The following GLDC variants were observed in gnomAD, a reference collection of about 807,000 sequenced individuals.
GLDC encodes glycine dehydrogenase (decarboxylating), mitochondrial.
A neutral mutation model predicts 121.3 loss-of-function variants in GLDC; 104 were observed. That is an observed-to-expected ratio of 0.86 (90% CI 0.73 to 1.01). The LOEUF (loss-of-function observed/expected upper bound fraction) is 1.01. GLDC is among the 50% of genes least tolerant of loss of function. The pLI, the probability that GLDC is intolerant of heterozygous loss-of-function variation, is 0.00. For missense variants in GLDC, 1,429 were observed against 1,306.6 expected, an observed-to-expected ratio of 1.09 and a Z score of -1.44; for synonymous variants, 546 against 480.6, an observed-to-expected ratio of 1.14 and a Z score of -1.78.
At chr9:6,565,279 T>G in intron 16 of GLDC, 75 bp downstream of exon 16, 1 of 1,004,926 alleles carries the variant, frequency 1.0e-6, no homozygotes, top group Non-Finnish European at 1.6e-6. Flanking sequence ...GGAGGGAGTG[T>G]CCCACAGAAG....
At chr9:6,547,348 G>T (rs148986749) in intron 21 of GLDC, among the ~76,000 whole-genome samples, 3 of 152,264 alleles carry the variant, frequency 2.0e-5, no homozygotes, top group Admixed American at 2.0e-4. Flanking sequence ...GATGGACAAG[G>T]CTGGCACTAA....
chr9:6,614,360 G>A (rs1014869875), intron 3 of GLDC, among the ~76,000 whole-genome samples: 8 of 151,258 alleles, frequency 5.3e-5, no homozygotes, highest in African/African-American at 1.5e-4. Context: ...TCAACCTCCC[G>A]AGTGGCTGGG....
chr9:6,595,606 G>C (rs1818476467), intron 8 of GLDC, among the ~76,000 whole-genome samples: 2 of 152,188 alleles, frequency 1.3e-5, no homozygotes, highest in Non-Finnish European at 2.9e-5. Flanking sequence ...TAAAACACTA[G>C]AGGCTGAACT....
intron 21 of GLDC, among the ~76,000 whole-genome samples, chr9:6,548,470 A>G (rs55962926): frequency 1.1e-3 from 175 of 152,194 alleles, no homozygotes; most frequent in Non-Finnish European, 2.0e-3. Flanking sequence ...GTTGCCCACA[A>G]CTGTGTTTTC....
chr9:6,574,753 T>C (rs1323325384), intron 15 of GLDC, among the ~76,000 whole-genome samples: 1 of 152,084 alleles, frequency 6.6e-6, no homozygotes, highest in African/African-American at 2.4e-5. Flanking sequence ...AGAGAGGGCT[T>C]ACAGGTCTCT....
chr9:6,628,120 C>T (rs372962497), intron 2 of GLDC, among the ~76,000 whole-genome samples: 1 of 152,110 alleles, frequency 6.6e-6, no homozygotes. Flanking sequence ...TAAATAAAAC[C>T]CCAAATCCTA....
intron 5 of GLDC, 169 bp from the exon 6 acceptor site, chr9:6,605,447 G>A: frequency 1.5e-6 from 1 of 680,734 alleles, no homozygotes; most frequent in South Asian, 1.6e-5. Flanking sequence ...CTACATCACA[G>A]CAACTCAAGC....
chr9:6,533,268 C>A, intron 24 of GLDC, 108 bp from the exon 25 acceptor site: 3 of 938,084 alleles, frequency 3.2e-6, no homozygotes, highest in Non-Finnish European at 5.3e-6. Flanking sequence ...ATCAGCCCAG[C>A]AAATATTCTG....
intron 11 of GLDC, among the ~76,000 whole-genome samples, chr9:6,591,386 A>T (rs1818371658): frequency 6.6e-6 from 1 of 152,180 alleles, no homozygotes; most frequent in South Asian, 2.1e-4. Context: ...AAGCTTGTTT[A>T]TCTGAATCCC....
chr9:6,569,773 C>T (rs576066896), intron 15 of GLDC, among the ~76,000 whole-genome samples: 6 of 152,160 alleles, frequency 3.9e-5, no homozygotes, highest in South Asian at 2.1e-4. Context: ...GTTAGAAGAT[C>T]GAGACCAGCC....
At chr9:6,627,100 C>A (rs941342984) in intron 2 of GLDC, among the ~76,000 whole-genome samples, 1 of 151,930 alleles carries the variant, frequency 6.6e-6, no homozygotes, top group Non-Finnish European at 1.5e-5. Flanking sequence ...TCGAGACCAT[C>A]CTGGCTAACA....
intron 7 of GLDC, among the ~76,000 whole-genome samples, chr9:6,602,996 G>C (rs748842260): frequency 1.3e-5 from 2 of 152,118 alleles, no homozygotes; most frequent in Non-Finnish European, 2.9e-5. Flanking sequence ...GGGGGGCCAA[G>C]GTGGGCGGAT....
chr9:6,587,375 T>C, intron 14 of GLDC, 92 bp from the exon 15 acceptor site: 1 of 986,510 alleles, frequency 1.0e-6, no homozygotes, highest in Non-Finnish European at 1.6e-6. Flanking sequence ...TGAGAAAAGC[T>C]ATGTGCCAGG....
chr9:6,597,110 A>G (rs1818506926), intron 8 of GLDC, among the ~76,000 whole-genome samples: 1 of 152,246 alleles, frequency 6.6e-6, no homozygotes, highest in Non-Finnish European at 1.5e-5. Flanking sequence ...CAAAGAAGCC[A>G]GGTACAAAAG....
chr9:6,610,382 C>G (rs1818827568), intron 3 of GLDC, 26 bp from the exon 4 acceptor site: 3 of 1,612,188 alleles, frequency 1.9e-6, no homozygotes, highest in Middle Eastern at 1.7e-4. Flanking sequence ...AAGGTCTTGT[C>G]CAAACTGACT....
chr9:6,621,411 G>C (rs556029347), intron 2 of GLDC, among the ~76,000 whole-genome samples: 1 of 152,246 alleles, frequency 6.6e-6, no homozygotes, highest in South Asian at 2.1e-4. Flanking sequence ...ACGGTCACTT[G>C]GCTGAGGTCA....
Position 6,645,432 on chromosome 9 carries a change from G to T in GLDC, c.68C>A (p.Ala23Asp), listed in dbSNP as rs1420091225. ...CGCCCAGCACGGCCCCGATCCCCCA[G>T]CCAGGCGGCGGCCGCCCCCGACCCC... ...GRGVGGGRRL[A>D]GGSGPCWAPR... is the part of the protein sequence containing the mutation. The change falls in exon 1 of 25, where the codon GCT becomes GAT. Residue 23 changes from alanine to aspartate, a missense_variant. Transcript: ENST00000321612. 2.3e-6 allele frequency: 3 copies of T among 1,286,652 alleles called. No individual in the cohort carries two copies. 79.7% of individuals were successfully genotyped at this position (1,286,652 alleles called of 1,614,324 possible). A position where few individuals can be genotyped will look rare whatever the true frequency, so the allele number is the denominator to read the frequency against.
chr9:6,614,772 G>A (rs185457094), intron 3 of GLDC, among the ~76,000 whole-genome samples: 3 of 152,236 alleles, frequency 2.0e-5, no homozygotes, highest in Admixed American at 2.0e-4. Flanking sequence ...TTTAGTCATT[G>A]TTGTGTGAAC....
chr9:6,553,621 G>T, intron 19 of GLDC, 112 bp from the exon 20 acceptor site: 1 of 996,102 alleles, frequency 1.0e-6, no homozygotes, highest in East Asian at 2.4e-5. Flanking sequence ...AGCTCTGACA[G>T]TGGAAGGGAC....
Sources: allele counts gnomAD v4.1 joint callset (sites outside exome capture counted in the v4.1 genomes callset), GRCh38; gene constraint gnomAD v4.1.1; transcripts MANE v1.5; gene names NCBI Gene and HGNC (gene_info 2026-07-23, HGNC 2026-07-21).